MSR1: variants seen among roughly 807,000 people sequenced by gnomAD.
MSR1 encodes the protein macrophage scavenger receptor 1, also known as macrophage scavenger receptor types I and II.
In MSR1, 53 loss-of-function variants were observed where a neutral mutation model predicts 47.2. That is an observed-to-expected ratio of 1.12 (90% CI 0.90 to 1.41). The LOEUF is 1.41. MSR1 is among the 40% of genes most tolerant of loss of function. The pLI, the probability that MSR1 is intolerant of heterozygous loss-of-function variation, is 0.00. For missense variants in MSR1, 786 were observed against 546.9 expected, an observed-to-expected ratio of 1.44 and a Z score of -4.36; for synonymous variants, 239 against 185.6, an observed-to-expected ratio of 1.29 and a Z score of -2.34.
intron 4 of MSR1, among the ~76,000 whole-genome samples, chr8:16,166,633 A>G (rs1477961392): frequency 6.6e-6 from 1 of 152,080 alleles, no homozygotes; most frequent in Admixed American, 6.5e-5. Flanking sequence ...ACCCTCCTAG[A>G]AACAGGCATT....
At chr8:16,188,797 T>G (rs1802075072) in intron 1 of MSR1, among the ~76,000 whole-genome samples, 1 of 151,922 alleles carries the variant, frequency 6.6e-6, no homozygotes, top group African/African-American at 2.4e-5. Context: ...TTGCTGAGAA[T>G]GATGGTTTCC....
intron 8 of MSR1, among the ~76,000 whole-genome samples, chr8:16,129,500 C>T (rs1316842333): frequency 6.6e-6 from 1 of 152,058 alleles, no homozygotes; most frequent in South Asian, 2.1e-4. Flanking sequence ...AACCCCAGCA[C>T]TTTGGGAGGT....
At chr8:16,162,501 T>G (rs1801189220) in intron 5 of MSR1, among the ~76,000 whole-genome samples, 1 of 152,090 alleles carries the variant, frequency 6.6e-6, no homozygotes, top group Admixed American at 6.6e-5. Flanking sequence ...TTGTTGTGGG[T>G]GAGCGATGAC....
chr8:16,155,033 G>C lies in MSR1; in HGVS notation c.898+31C>G, dbSNP rs374716815. 245 of 1,536,252 alleles carry C rather than the reference G, an allele frequency of 1.6e-4. 5 individuals are homozygous for C. In the South Asian group the frequency reaches 2.4e-3, roughly 15 times the overall value. On this transcript the variant is annotated intron_variant, in intron 6 of 9. Coordinates refer to ENST00000262101, the MANE Select transcript of MSR1 (RefSeq NM_138715.3). ...TGGATGTATATCATCTATCTTCACAGTATATGATTAAATAGCTAAAATTAC... is the reference window on the plus strand; with the variant it reads ...TGGATGTATATCATCTATCTTCACACTATATGATTAAATAGCTAAAATTAC...
intron 8 of MSR1, among the ~76,000 whole-genome samples, chr8:16,127,192 T>C (rs1355733362): frequency 1.3e-5 from 2 of 152,132 alleles, no homozygotes; most frequent in East Asian, 3.9e-4. Context: ...CTCCCTGAAA[T>C]CAGAATATCT....
Position 16,125,016 on chromosome 8 carries a change from A to G in MSR1, c.1034-4410T>C, listed in dbSNP as rs182255435. ...TGAAGGAAAGATTGATTTAACTGGCATAAACATAAGTGTTTTTATGGAAAA... is the reference window on the plus strand; with the variant it reads ...TGAAGGAAAGATTGATTTAACTGGCGTAAACATAAGTGTTTTTATGGAAAA... On this transcript the variant is annotated intron_variant, in intron 8 of 9. Transcript: ENST00000262101. Among the ~76,000 whole-genome samples, 262 of 152,202 alleles carry G rather than the reference A, an allele frequency of 1.7e-3. 1 individual carries two copies. The highest frequency in any genetic ancestry group is 2.0e-3 in the Non-Finnish European group (133 of 68,014).
chr8:16,175,313 A>C lies in MSR1; in HGVS notation c.104-13T>G, dbSNP rs1463989550. 12 of 1,596,594 alleles carry C rather than the reference A, an allele frequency of 7.5e-6. No homozygotes were observed. In the South Asian group the frequency reaches 1.1e-4, roughly 15 times the overall value. On this transcript the variant is annotated splice_polypyrimidine_tract_variant and intron_variant, in intron 2 of 9. Transcript: ENST00000262101. ...CTGTTTTTAGGATCTAATAAAACAA[A>C]AAAGCCCAGCCTACTGTTAGAAAGT...
chr8:16,140,569 A>G lies in MSR1; in HGVS notation c.1033+2989T>C, dbSNP rs1045855617. The stretch of plus-strand genomic sequence containing the variant: ...GAGCCTCACACAAGTGTTATATTGT[A>G]TGGTAGGAATCGCTTTGCTTGACTG... On this transcript the variant is annotated intron_variant, in intron 8 of 9. Transcript: ENST00000262101. The G allele has an allele frequency of 8.5e-6, 9 of 1,053,526 alleles. No individual in the cohort carries two copies. In the African/African-American group the frequency reaches 1.3e-4, roughly 16 times the overall value. 65.3% of individuals were successfully genotyped at this position (1,053,526 alleles called of 1,614,324 possible).
intron 2 of MSR1, 152 bp from the exon 3 acceptor site, chr8:16,175,452 A>G: frequency 1.4e-6 from 1 of 713,508 alleles, no homozygotes; most frequent in South Asian, 1.8e-5. Flanking sequence ...TAGAAAGCAA[A>G]AGGACAGTCA....
rs1337368273 is a variant in MSR1 at position 16,150,158 on chromosome 8, AT to A, written c.979+72del. On this transcript the variant is annotated intron_variant, in intron 7 of 9. Transcript: ENST00000262101. ...TGTGTGTGTATATATATATATATAT[AT>A]ATATATATATATAAAATTATCTGGT... The A allele has an allele frequency of 1.5e-5, 4 of 268,864 alleles. 1 individual carries two copies. The highest frequency in any genetic ancestry group is 4.8e-5 in the African/African-American group (2 of 41,652). 16.7% of individuals were successfully genotyped at this position (268,864 alleles called of 1,614,324 possible). A position where few individuals can be genotyped will look rare whatever the true frequency, so the allele number is the denominator to read the frequency against.
chr8:16,144,630 CA>C (rs1310807333), intron 7 of MSR1, among the ~76,000 whole-genome samples: 4 of 152,042 alleles, frequency 2.6e-5, no homozygotes, highest in Non-Finnish European at 5.9e-5. Flanking sequence ...TGACTTGGGA[CA>C]AGTCTTTAAA....
chr8:16,145,863 G>A (rs1329104894), intron 7 of MSR1, among the ~76,000 whole-genome samples: 3 of 152,014 alleles, frequency 2.0e-5, no homozygotes, highest in Non-Finnish European at 4.4e-5. Context: ...TGATACCTTT[G>A]GTTAAAAATG....
At position 16,164,244 on chromosome 8, in the gene MSR1, C is replaced by A. The variant is rs201900187; in HGVS notation, c.638G>T (p.Ser213Ile). The A allele has an allele frequency of 6.2e-7, 1 of 1,611,302 alleles. No homozygotes were observed. The highest frequency in any genetic ancestry group is 8.5e-7 in the Non-Finnish European group (1 of 1,178,454). Reference sequence around the variant, plus strand: ...ATTGTAAACACGCTCCTCTAATTTACTGATTTCCTGTAAAACATAAGTGAG... The same window carrying A: ...ATTGTAAACACGCTCCTCTAATTTAATGATTTCCTGTAAAACATAAGTGAG... ...ENTFKQQEEI[S>I]KLEERVYNVS... is the part of the protein sequence containing the mutation. Residue 213 changes from serine to isoleucine, a missense_variant, in exon 5 of 10, where the codon AGT becomes ATT. Physicochemically the swap from Ser to Ile is moderately radical, Grantham distance 142. Coordinates refer to ENST00000262101, the MANE Select transcript of MSR1 (RefSeq NM_138715.3).
At chr8:16,149,374 G>A (rs1312752591) in intron 7 of MSR1, among the ~76,000 whole-genome samples, 1 of 151,964 alleles carries the variant, frequency 6.6e-6, no homozygotes, top group Non-Finnish European at 1.5e-5. Context: ...CTCAATGATA[G>A]GGACCCTATT....
At chr8:16,164,463 T>G (rs1801248337) in intron 4 of MSR1, among the ~76,000 whole-genome samples, 1 of 151,964 alleles carries the variant, frequency 6.6e-6, no homozygotes, top group Non-Finnish European at 1.5e-5. Context: ...ATGTTTACAA[T>G]CACAACCCCC....
At chr8:16,125,771 A>G (rs755106193) in intron 8 of MSR1, among the ~76,000 whole-genome samples, 75 of 152,046 alleles carry the variant, frequency 4.9e-4, no homozygotes, top group African/African-American at 4.6e-4. Flanking sequence ...AAAATTTTTA[A>G]AAGTTTTTCT....
intron 7 of MSR1, 60 bp downstream of exon 7, chr8:16,150,171 T>A (rs553002377): frequency 6.4e-5 from 19 of 295,036 alleles, no homozygotes; most frequent in South Asian, 5.0e-4. Flanking sequence ...TATATATATA[T>A]AAAATTATCT....
intron 8 of MSR1, among the ~76,000 whole-genome samples, chr8:16,129,886 T>C (rs997755569): frequency 6.6e-6 from 1 of 152,246 alleles, no homozygotes; most frequent in Admixed American, 6.5e-5. Flanking sequence ...CTTGTGTGAG[T>C]ATCAGGCTAA....
intron 2 of MSR1, 105 bp from the exon 3 acceptor site, chr8:16,175,405 A>C: frequency 1.0e-6 from 1 of 953,712 alleles, no homozygotes; most frequent in East Asian, 2.6e-5. Context: ...AGCCTATTGG[A>C]ATAAAAAAGA....
Sources: allele counts gnomAD v4.1 joint callset (sites outside exome capture counted in the v4.1 genomes callset), GRCh38; gene constraint gnomAD v4.1.1; transcripts MANE v1.5; gene names NCBI Gene and HGNC (gene_info 2026-07-23, HGNC 2026-07-21).